The following IL1RAPL1 variants were observed in gnomAD, a reference collection of about 807,000 sequenced individuals.
IL1RAPL1 encodes interleukin 1 receptor accessory protein like 1, also known as interleukin-1 receptor accessory protein-like 1.
A neutral mutation model predicts 48.4 loss-of-function variants in IL1RAPL1; 3 were observed. The observed-to-expected ratio is 0.06, with a 90% CI of 0.03 to 0.16. The LOEUF is 0.16. Among genes scored for constraint, IL1RAPL1 ranks in the 10% least tolerant of loss-of-function variants. The pLI is 1.00. For missense variants in IL1RAPL1, 349 were observed against 530.6 expected, an observed-to-expected ratio of 0.66 and a Z score of 3.36; for synonymous variants, 185 against 187.7, an observed-to-expected ratio of 0.99 and a Z score of 0.12.
intron 5 of IL1RAPL1, among the ~76,000 whole-genome samples, chrX:29,641,275 A>C (rs1000726969): frequency 1.8e-5 from 2 of 113,008 alleles, no homozygotes; most frequent in Admixed American, 1.9e-4. Flanking sequence ...AAGCGATCAG[A>C]CTGTCTCATA....
chrX:29,719,066 A>G (rs1927561853), intron 6 of IL1RAPL1, among the ~76,000 whole-genome samples: 1 of 112,275 alleles, frequency 8.9e-6, no homozygotes, highest in Non-Finnish European at 1.9e-5. Flanking sequence ...TGTATCAGAG[A>G]GAAGTGACTT....
chrX:29,844,552 T>C (rs1931206828), intron 6 of IL1RAPL1, among the ~76,000 whole-genome samples: 1 of 111,660 alleles, frequency 9.0e-6, no homozygotes, highest in African/African-American at 3.3e-5. Context: ...TAGCCAACTG[T>C]GGATCAAAAA....
At chrX:28,883,777 A>G (rs1368375070) in intron 2 of IL1RAPL1, among the ~76,000 whole-genome samples, 1 of 112,639 alleles carries the variant, frequency 8.9e-6, no homozygotes, top group Non-Finnish European at 1.9e-5. Flanking sequence ...ATAAAATGTA[A>G]CAGACATCTT....
intron 2 of IL1RAPL1, among the ~76,000 whole-genome samples, chrX:28,904,403 A>G (rs1025468075): frequency 8.9e-6 from 1 of 112,096 alleles, no homozygotes; most frequent in Non-Finnish European, 1.9e-5. Flanking sequence ...CATATTTCTC[A>G]CAGTAGCATC....
intron 3 of IL1RAPL1, among the ~76,000 whole-genome samples, chrX:29,346,733 T>C (rs1299352943): frequency 8.9e-6 from 1 of 112,345 alleles, no homozygotes; most frequent in African/African-American, 3.2e-5. Context: ...TCCAGGGAGC[T>C]AATTGATTTT....
At chrX:29,354,874 T>G (rs1933280980) in intron 3 of IL1RAPL1, among the ~76,000 whole-genome samples, 1 of 112,173 alleles carries the variant, frequency 8.9e-6, no homozygotes, top group South Asian at 3.7e-4. Context: ...AACAGGAGTT[T>G]ACTAACATGT....
intron 3 of IL1RAPL1, among the ~76,000 whole-genome samples, chrX:29,309,595 C>T (rs1932677369): frequency 1.8e-5 from 2 of 109,287 alleles, no homozygotes; most frequent in South Asian, 7.8e-4. Context: ...ACTAGATCAC[C>T]TGAGGTCAGG....
At chrX:28,996,078 T>C (rs1602001898) in intron 2 of IL1RAPL1, among the ~76,000 whole-genome samples, 1 of 111,639 alleles carries the variant, frequency 9.0e-6, no homozygotes, top group East Asian at 2.8e-4. Context: ...AGAAACCCCA[T>C]GCCCATTAGC....
chrX:29,691,903 TA>T (rs1352468484), intron 6 of IL1RAPL1, among the ~76,000 whole-genome samples: 6 of 112,219 alleles, frequency 5.3e-5, no homozygotes, highest in Non-Finnish European at 1.1e-4. Flanking sequence ...TTCTCTACCC[TA>T]AAATAAAATA....
chrX:29,174,758 T>C (rs1359646361), intron 2 of IL1RAPL1, among the ~76,000 whole-genome samples: 2 of 111,570 alleles, frequency 1.8e-5, no homozygotes, highest in African/African-American at 6.5e-5. Flanking sequence ...TAAAGTTCTA[T>C]AGTAAGAAAA....
intron 2 of IL1RAPL1, among the ~76,000 whole-genome samples, chrX:28,842,870 A>C (rs759714414): frequency 1.9e-4 from 21 of 111,370 alleles, no homozygotes; most frequent in Non-Finnish European, 3.8e-5. Context: ...ATACAGAATA[A>C]GTATGGCTCT....
intron 10 of IL1RAPL1, 38 bp downstream of exon 10, chrX:29,954,730 TGTGA>T (rs754607283): frequency 4.9e-6 from 5 of 1,014,220 alleles, no homozygotes; most frequent in Non-Finnish European, 7.0e-6. Context: ...TGCATATTCA[TGTGA>T]GTGTCTGTGT....
At chrX:28,896,971 T>C (rs1193474065) in intron 2 of IL1RAPL1, among the ~76,000 whole-genome samples, 2 of 110,834 alleles carry the variant, frequency 1.8e-5, no homozygotes, top group Admixed American at 9.6e-5. Context: ...CGAGTTTGTA[T>C]TGGGGTCAAG....
chrX:29,266,670 G>A (rs1931961132), intron 2 of IL1RAPL1, among the ~76,000 whole-genome samples: 1 of 111,512 alleles, frequency 9.0e-6, no homozygotes, highest in East Asian at 2.8e-4. Flanking sequence ...TAAGTTCTAG[G>A]GACTTGCTTT....
intron 9 of IL1RAPL1, among the ~76,000 whole-genome samples, chrX:29,952,044 G>A (rs1305541218): frequency 8.9e-6 from 1 of 112,020 alleles, no homozygotes; most frequent in Non-Finnish European, 1.9e-5. Flanking sequence ...GAAAGAAGCA[G>A]GGGAATCAGA....
chrX:29,168,227 T>C (rs1929825335), intron 2 of IL1RAPL1, among the ~76,000 whole-genome samples: 1 of 108,807 alleles, frequency 9.2e-6, no homozygotes, highest in South Asian at 3.9e-4. Flanking sequence ...TCTTGAAATA[T>C]ATATTACATT....
intron 6 of IL1RAPL1, among the ~76,000 whole-genome samples, chrX:29,816,255 C>T (rs1267026559): frequency 9.0e-6 from 1 of 110,866 alleles, no homozygotes; most frequent in Non-Finnish European, 1.9e-5. Flanking sequence ...TAACAAATCC[C>T]ACAGAAATAC....
chrX:29,849,641 T>G (rs1931322086), intron 6 of IL1RAPL1, among the ~76,000 whole-genome samples: 1 of 110,842 alleles, frequency 9.0e-6, no homozygotes, highest in Non-Finnish European at 1.9e-5. Context: ...TATCGAAAGC[T>G]TTAGAGACAA....
At chrX:29,048,637 G>A (rs913797850) in intron 2 of IL1RAPL1, among the ~76,000 whole-genome samples, 4 of 112,084 alleles carry the variant, frequency 3.6e-5, no homozygotes, top group Non-Finnish European at 5.6e-5. Flanking sequence ...GAAAATTAGG[G>A]AAGGACACCA....
Sources: allele counts gnomAD v4.1 joint callset (sites outside exome capture counted in the v4.1 genomes callset), GRCh38; gene constraint gnomAD v4.1.1; transcripts MANE v1.5; gene names NCBI Gene and HGNC (gene_info 2026-07-23, HGNC 2026-07-21).